The following TMEFF1 variants were observed in gnomAD, a reference collection of about 807,000 sequenced individuals.
TMEFF1 encodes the protein transmembrane protein with EGF like and two follistatin like domains 1.
Under a neutral mutation model 47.5 loss-of-function variants are expected in TMEFF1, and 20 were observed. The observed-to-expected ratio is 0.42, with a 90% CI of 0.30 to 0.61. The LOEUF is 0.61. Among genes scored for constraint, TMEFF1 ranks in the 20% least tolerant of loss-of-function variants. The pLI, the probability that TMEFF1 is intolerant of heterozygous loss-of-function variation, is 0.19. For synonymous variants in TMEFF1, 162 were observed against 166.3 expected (o/e 0.97, Z 0.20); for missense variants, 411 against 471.1 (o/e 0.87, Z 1.18).
At chr9:100,491,749 T>A (rs1388784633) in intron 1 of TMEFF1, among the ~76,000 whole-genome samples, 1 of 152,194 alleles carries the variant, frequency 6.6e-6, no homozygotes, top group Non-Finnish European at 1.5e-5. Flanking sequence ...TTTGGTTAAT[T>A]GAGAAAGTTA....
At chr9:100,498,554 G>A (rs1395523744) in intron 1 of TMEFF1, among the ~76,000 whole-genome samples, 1 of 151,932 alleles carries the variant, frequency 6.6e-6, no homozygotes, top group African/African-American at 2.4e-5. Flanking sequence ...TTACTTTTAG[G>A]CTCATTACTA....
At chr9:100,494,206 CAAAAAAA>C (rs543991655) in intron 1 of TMEFF1, among the ~76,000 whole-genome samples, 1 of 54,242 alleles carries the variant, frequency 1.8e-5, no homozygotes, top group Non-Finnish European at 4.1e-5. Flanking sequence ...GACCTTGTCT[CAAAAAAA>C]AAAAAAAAAA....
rs780491540 is a variant in TMEFF1, at chr9:100,473,584, G to A, written c.40G>A (p.Ala14Thr). 6 of 1,549,964 alleles carry A rather than the reference G, an allele frequency of 3.9e-6. No homozygotes were observed. Among genetic ancestry groups the A allele is most frequent in the Non-Finnish European group, 5.2e-6 (6 of 1,149,864 alleles). ...AAAEAPLRLP[A>T]APPLAFCCYT... ...CGCTGAGGCGCCGCTCCGGCTGCCT[G>A]CCGCGCCTCCGCTCGCCTTCTGCTG... Residue 14 changes from alanine (A) to threonine (T), a missense_variant, in exon 1 of 10, where the codon GCC (alanine) becomes ACC (threonine). Transcript: ENST00000374879. The surrounding 1 kb of genome is among the most constrained non-coding windows in gnomAD (Gnocchi z 5.4).
intron 1 of TMEFF1, among the ~76,000 whole-genome samples, chr9:100,493,407 G>C (rs975250692): frequency 6.6e-6 from 1 of 152,144 alleles, no homozygotes; most frequent in Admixed American, 6.5e-5. Flanking sequence ...GAAGGCTGCT[G>C]GATCTCATTT....
In TMEFF1 at chr9:100,577,330, CATAA is replaced by C. The variant is rs1839369976; in HGVS notation, c.*736_*739del. On this transcript the variant is annotated 3_prime_UTR_variant, in exon 10 of 10. Transcript: ENST00000374879. Reference sequence around the variant, plus strand: ...TTTTTAAAGAAAATGTTTGTTTTAACATAAATAAACAAATCGTATCAGTGTTTGT... The same window carrying C: ...TTTTTAAAGAAAATGTTTGTTTTAACATAAACAAATCGTATCAGTGTTTGT... 6.6e-6 allele frequency: 1 copy of C among 152,472 alleles called. No individual in the cohort carries two copies. Among genetic ancestry groups the C allele is most frequent in the Non-Finnish European group, 1.5e-5 (1 of 67,960 alleles). The allele number at this position is 152,472 out of a possible 1,614,324, so 9.4% of individuals were successfully genotyped here. A position where few individuals can be genotyped will look rare whatever the true frequency, so the allele number is the denominator to read the frequency against.
At chr9:100,526,138 A>G (rs1838249406) in intron 5 of TMEFF1, among the ~76,000 whole-genome samples, 1 of 152,216 alleles carries the variant, frequency 6.6e-6, no homozygotes, top group African/African-American at 2.4e-5. Context: ...TTCCCTGAGA[A>G]TTAAGAAAGT....
At chr9:100,538,086 T>C (rs1367420966) in intron 5 of TMEFF1, among the ~76,000 whole-genome samples, 2 of 152,068 alleles carry the variant, frequency 1.3e-5, no homozygotes, top group East Asian at 1.9e-4. Flanking sequence ...AGACAGACTC[T>C]CATGTTGCCA....
At chr9:100,567,912 A>G (rs1400807949) in intron 8 of TMEFF1, among the ~76,000 whole-genome samples, 2 of 152,180 alleles carry the variant, frequency 1.3e-5, no homozygotes, top group South Asian at 2.1e-4. Flanking sequence ...AGCAAGTCAC[A>G]TCTTACCTGG....
intron 5 of TMEFF1, among the ~76,000 whole-genome samples, chr9:100,527,685 G>T (rs1310073824): frequency 2.6e-5 from 4 of 152,208 alleles, no homozygotes; most frequent in Admixed American, 6.5e-5. Flanking sequence ...CCATTGCCCA[G>T]GCTTGCTTAC....
chr9:100,531,068 G>T (rs1838367435), intron 5 of TMEFF1, among the ~76,000 whole-genome samples: 1 of 151,796 alleles, frequency 6.6e-6, no homozygotes, highest in Admixed American at 6.6e-5. Flanking sequence ...AATAAATTAG[G>T]TATTGATGGG....
chr9:100,562,999 G>A (rs1839049881), intron 8 of TMEFF1, among the ~76,000 whole-genome samples: 1 of 152,112 alleles, frequency 6.6e-6, no homozygotes, highest in Admixed American at 6.6e-5. Flanking sequence ...TGTATTTTTA[G>A]TAGAGATGGG....
chr9:100,475,314 G>A (rs945809266), intron 1 of TMEFF1, among the ~76,000 whole-genome samples: 6 of 152,130 alleles, frequency 3.9e-5, no homozygotes, highest in African/African-American at 1.4e-4. Flanking sequence ...GGGAATGGCA[G>A]TTTTGAGCAC....
At chr9:100,557,772 T>G (rs1468120563) in intron 7 of TMEFF1, among the ~76,000 whole-genome samples, 3 of 152,038 alleles carry the variant, frequency 2.0e-5, no homozygotes, top group African/African-American at 7.2e-5. Flanking sequence ...GCTTTTCATG[T>G]GTATATGCTG....
intron 1 of TMEFF1, among the ~76,000 whole-genome samples, chr9:100,487,735 A>G (rs1837476624): frequency 6.6e-6 from 1 of 150,876 alleles, no homozygotes; most frequent in South Asian, 2.1e-4. Context: ...GATCTCTTAT[A>G]ACCATTGGAA....
At position 100,485,893 on chromosome 9, in the gene TMEFF1, A is replaced by G. The variant is rs571000189; in HGVS notation, c.196+12153A>G. Among the ~76,000 whole-genome samples, 3 of 152,286 alleles carry G rather than the reference A, an allele frequency of 2.0e-5. No individual in the cohort carries two copies. The East Asian group carries it at 5.8e-4, about 29-fold the overall frequency. ...ACTATTCAAATTCATCTATTTTTTAAAAAGTATCATGTATTTTCCATGGCT... is the reference window on the plus strand; with the variant it reads ...ACTATTCAAATTCATCTATTTTTTAGAAAGTATCATGTATTTTCCATGGCT... On this transcript the variant is annotated intron_variant, in intron 1 of 9. Transcript: ENST00000374879.
chr9:100,563,729 T>C (rs1434679242), intron 8 of TMEFF1, among the ~76,000 whole-genome samples: 4 of 152,230 alleles, frequency 2.6e-5, no homozygotes, highest in Non-Finnish European at 4.4e-5. Flanking sequence ...AGGGGCTCTT[T>C]GTTTTGTTAA....
At position 100,514,828 on chromosome 9, in the gene TMEFF1, C is replaced by G. The variant is rs1410372957; in HGVS notation, c.463+1495C>G. On this transcript the variant is annotated intron_variant, in intron 4 of 9. Coordinates refer to ENST00000374879, the MANE Select transcript of TMEFF1 (RefSeq NM_003692.5). Reference sequence around the variant, plus strand: ...TGGCCAATGTGGTGAAACCCCGTCTCTACTAAAAATGCAAAAATTAGCCAG... The same window carrying G: ...TGGCCAATGTGGTGAAACCCCGTCTGTACTAAAAATGCAAAAATTAGCCAG... Among the ~76,000 whole-genome samples, 4 of 152,040 alleles carry G rather than the reference C, an allele frequency of 2.6e-5. No individual in the cohort carries two copies. The East Asian group carries it at 7.7e-4, about 29-fold the overall frequency.
chr9:100,575,183 G>A (rs923929576), intron 9 of TMEFF1, among the ~76,000 whole-genome samples: 3 of 152,176 alleles, frequency 2.0e-5, no homozygotes, highest in Non-Finnish European at 4.4e-5. Context: ...TGAGACAGCT[G>A]TTGACATATA....
intron 5 of TMEFF1, among the ~76,000 whole-genome samples, chr9:100,541,183 A>T (rs919867871): frequency 6.6e-6 from 1 of 152,150 alleles, no homozygotes. Context: ...ATTCATCTTC[A>T]AAAGTCTAAT....
Sources: allele counts gnomAD v4.1 joint callset (sites outside exome capture counted in the v4.1 genomes callset), GRCh38; gene constraint gnomAD v4.1.1; non-coding constraint Gnocchi (gnomAD v3.1); transcripts MANE v1.5; gene names NCBI Gene and HGNC (gene_info 2026-07-23, HGNC 2026-07-21).